Variants in CALCR observed in about 807,000 individuals in gnomAD.
CALCR encodes calcitonin receptor.
Under a neutral mutation model 59.5 loss-of-function variants are expected in CALCR, and 47 were observed. The ratio of observed to expected loss-of-function variants is 0.79; its 90% CI spans 0.63 to 1.01. The LOEUF (loss-of-function observed/expected upper bound fraction) is 1.01, where lower values mean the gene tolerates loss of function less well. Ranked by LOEUF, CALCR falls within the 50% of genes least tolerant of loss-of-function variation. The pLI, the probability that CALCR is intolerant of heterozygous loss-of-function variation, is 0.00. For synonymous variants in CALCR, 213 were observed against 211.3 expected, an observed-to-expected ratio of 1.01 and a Z score of -0.07; for missense variants, 566 against 597.1, an observed-to-expected ratio of 0.95 and a Z score of 0.54.
At chr7:93,431,821 A>G (rs1454424722) in intron 13 of CALCR, among the ~76,000 whole-genome samples, 1 of 152,244 alleles carries the variant, frequency 6.6e-6, no homozygotes, top group Non-Finnish European at 1.5e-5. Flanking sequence ...GGAGAATAGA[A>G]AGACACAAGA....
At chr7:93,545,075 G>A (rs1789249448) in intron 2 of CALCR, among the ~76,000 whole-genome samples, 2 of 151,994 alleles carry the variant, frequency 1.3e-5, no homozygotes, top group South Asian at 2.1e-4. Flanking sequence ...ATAAGGTTGG[G>A]CCTGCTGCAT....
intron 3 of CALCR, among the ~76,000 whole-genome samples, chr7:93,480,084 C>T (rs1200005317): frequency 6.6e-6 from 1 of 151,840 alleles, no homozygotes; most frequent in African/African-American, 2.4e-5. Flanking sequence ...AGCAGATGAC[C>T]TGTACAGGGC....
chr7:93,519,938 C>G (rs1166505115), intron 2 of CALCR, among the ~76,000 whole-genome samples: 1 of 151,946 alleles, frequency 6.6e-6, no homozygotes, highest in Non-Finnish European at 1.5e-5. Flanking sequence ...GTCAATTAAA[C>G]CTCTTTCCTC....
chr7:93,498,807 A>C (rs1801263317), intron 2 of CALCR, among the ~76,000 whole-genome samples: 1 of 151,718 alleles, frequency 6.6e-6, no homozygotes, highest in Non-Finnish European at 1.5e-5. Flanking sequence ...ATGGAAATTG[A>C]ATTATCAGAA....
chr7:93,495,005 T>C (rs1185987532), intron 2 of CALCR, among the ~76,000 whole-genome samples: 1 of 151,254 alleles, frequency 6.6e-6, no homozygotes, highest in African/African-American at 2.4e-5. Flanking sequence ...AGAGACTGAT[T>C]AGTGTAGGAT....
chr7:93,540,195 G>A (rs1789095147), intron 2 of CALCR, among the ~76,000 whole-genome samples: 1 of 152,170 alleles, frequency 6.6e-6, no homozygotes. Context: ...ATTCAATATT[G>A]GACCTGGTGA....
intron 8 of CALCR, among the ~76,000 whole-genome samples, chr7:93,445,350 G>T (rs1340491048): frequency 6.6e-6 from 1 of 151,998 alleles, no homozygotes; most frequent in East Asian, 1.9e-4. Flanking sequence ...TCATTTGGAA[G>T]GCTATTCTTA....
rs550109342 is a variant in CALCR at position 93,438,227 on chromosome 7, G to A, written c.846C>T (p.Ala282=). The A allele has an allele frequency of 1.7e-5, 27 of 1,613,018 alleles. 1 individual carries two copies. The highest frequency in any genetic ancestry group is 3.3e-4 in the Middle Eastern group (2 of 6,058). Residue 282 remains alanine (A), a synonymous_variant, in exon 10 of 14, where the codon GCC becomes GCT. Coordinates refer to ENST00000426151, the MANE Select transcript of CALCR (RefSeq NM_001742.4). The part of the protein sequence containing the change: ...VPTTIHAITR[A]VYFNDNCWLS... The stretch of plus-strand genomic sequence containing the variant: ...ATACTTACTTGTCATTGAAGTACAC[G>A]GCCCTGGTAATAGCATGGATAGTGG...
At chr7:93,468,905 T>C in intron 6 of CALCR, 99 bp from the exon 7 acceptor site, 1 of 601,672 alleles carries the variant, frequency 1.7e-6, no homozygotes, top group South Asian at 3.9e-5. Context: ...ACAAATGTTT[T>C]CCTCCTTTTA....
intron 2 of CALCR, among the ~76,000 whole-genome samples, chr7:93,501,697 G>T (rs1395363286): frequency 2.0e-5 from 3 of 152,054 alleles, no homozygotes; most frequent in African/African-American, 7.2e-5. Context: ...TACGCATTCA[G>T]TGATAGGAGC....
At chr7:93,474,767 AT>A (rs1469806038) in intron 5 of CALCR, among the ~76,000 whole-genome samples, 3 of 151,750 alleles carry the variant, frequency 2.0e-5, no homozygotes, top group Non-Finnish European at 2.9e-5. Flanking sequence ...TCTTCACAAA[AT>A]TTTAATCTTT....
intron 9 of CALCR, 123 bp from the exon 10 acceptor site, chr7:93,438,393 T>G: frequency 4.1e-6 from 3 of 729,194 alleles, no homozygotes; most frequent in Non-Finnish European, 7.4e-6. Context: ...TGTCAAGATG[T>G]TCCCCTGATA....
At chr7:93,480,302 T>C (rs1031650373) in intron 3 of CALCR, among the ~76,000 whole-genome samples, 3 of 151,918 alleles carry the variant, frequency 2.0e-5, no homozygotes, top group Admixed American at 6.6e-5. Context: ...AGATTTCAAT[T>C]TCTTTTGTGG....
intron 7 of CALCR, chr7:93,462,119 A>C: frequency 2.1e-6 from 3 of 1,462,614 alleles, no homozygotes; most frequent in Non-Finnish European, 2.8e-6. Context: ...TTCTGCAATA[A>C]AAAGCAATTT....
In CALCR at chr7:93,547,442, T is replaced by C. The variant is rs148025137; in HGVS notation, c.-27+26847A>G. On this transcript the variant is annotated intron_variant, in intron 2 of 13. Transcript: ENST00000426151. ...TTGTTACTTAAAATTTCCAATGCCT[T>C]AAAAATTAGAAGCATACTATTTAAT... 1.7e-3 allele frequency among the ~76,000 whole-genome samples: 261 copies of C among 152,320 alleles called. 1 individual carries two copies. Among genetic ancestry groups the C allele is most frequent in the African/African-American group, 6.0e-3 (250 of 41,578 alleles).
intron 9 of CALCR, among the ~76,000 whole-genome samples, chr7:93,438,953 G>A (rs1356859623): frequency 2.0e-5 from 3 of 151,470 alleles, no homozygotes. Context: ...CACAGTTATT[G>A]CAATACGTCC....
chr7:93,499,152 GCAGA>G (rs2115993162), intron 2 of CALCR, among the ~76,000 whole-genome samples: 1 of 151,754 alleles, frequency 6.6e-6, no homozygotes, highest in East Asian at 1.9e-4. Flanking sequence ...CATGTATTTG[GCAGA>G]CAGAGACAAG....
At chr7:93,544,812 G>A (rs977787102) in intron 2 of CALCR, among the ~76,000 whole-genome samples, 2 of 152,136 alleles carry the variant, frequency 1.3e-5, no homozygotes, top group African/African-American at 4.8e-5. Context: ...TCTTCCCACA[G>A]CTTTCCTCCA....
At chr7:93,461,990 G>T in intron 7 of CALCR, 1 of 878,720 alleles carries the variant, frequency 1.1e-6, no homozygotes, top group Non-Finnish European at 1.8e-6. Flanking sequence ...ATGGAATAAA[G>T]TTAGAAATGA....
Sources: allele counts gnomAD v4.1 joint callset (sites outside exome capture counted in the v4.1 genomes callset), GRCh38; gene constraint gnomAD v4.1.1; transcripts MANE v1.5; gene names NCBI Gene and HGNC (gene_info 2026-07-23, HGNC 2026-07-21).